Variants in DPP8 observed in about 807,000 individuals in gnomAD.
DPP8 encodes dipeptidyl peptidase 8.
DPP8 carries 31 observed loss-of-function variants against 107.5 expected under a neutral mutation model. The ratio of observed to expected loss-of-function variants is 0.29; its 90% CI spans 0.22 to 0.39. The LOEUF is 0.39. DPP8 is among the 10% of genes least tolerant of loss of function. The pLI, the probability that DPP8 is intolerant of heterozygous loss-of-function variation, is 1.00. For missense variants in DPP8, 842 were observed against 1,076.1 expected, an observed-to-expected ratio of 0.78 and a Z score of 3.04; for synonymous variants, 381 against 356.6, an observed-to-expected ratio of 1.07 and a Z score of -0.77.
At chr15:65,466,889 G>A in intron 13 of DPP8, 76 bp from the exon 14 acceptor site, 1 of 1,450,866 alleles carries the variant, frequency 6.9e-7, no homozygotes, top group African/African-American at 1.4e-5. Flanking sequence ...CTGCACTAAT[G>A]ATATAGCAAG....
intron 7 of DPP8, among the ~76,000 whole-genome samples, chr15:65,486,167 G>A (rs1277608699): frequency 6.6e-6 from 1 of 150,744 alleles, no homozygotes; most frequent in African/African-American, 2.4e-5. Context: ...ACTTTGGGAG[G>A]CTGAGGCAGG....
At chr15:65,452,130 TGTG>T (rs1567134113) in intron 17 of DPP8, 28 bp from the exon 18 acceptor site, 1 of 1,589,614 alleles carries the variant, frequency 6.3e-7, no homozygotes, top group Non-Finnish European at 8.5e-7. Flanking sequence ...GACAGTCAAG[TGTG>T]GTCTGGAAAA....
intron 8 of DPP8, among the ~76,000 whole-genome samples, chr15:65,484,257 C>T (rs1427332193): frequency 1.3e-5 from 2 of 150,400 alleles, no homozygotes; most frequent in African/African-American, 4.9e-5. Flanking sequence ...ACCCAGAAGG[C>T]AGAGGCTGAA....
At chr15:65,481,848 T>C (rs1349555482) in intron 8 of DPP8, among the ~76,000 whole-genome samples, 1 of 152,136 alleles carries the variant, frequency 6.6e-6, no homozygotes, top group Non-Finnish European at 1.5e-5. Context: ...TAAAAATCTA[T>C]TTCTTTGAGT....
intron 11 of DPP8, among the ~76,000 whole-genome samples, chr15:65,476,098 G>A (rs1224504706): frequency 6.6e-6 from 1 of 152,112 alleles, no homozygotes; most frequent in African/African-American, 2.4e-5. Flanking sequence ...TCTCTCAGCG[G>A]CCTAAGGAAC....
intron 12 of DPP8, among the ~76,000 whole-genome samples, chr15:65,470,217 AAAAG>A (rs1567181045): frequency 2.0e-5 from 3 of 150,208 alleles, no homozygotes; most frequent in East Asian, 1.9e-4. Flanking sequence ...AAAAAAAAAA[AAAAG>A]AAAGAAAAAA....
At chr15:65,483,265 C>T (rs993726680) in intron 8 of DPP8, among the ~76,000 whole-genome samples, 15 of 152,024 alleles carry the variant, frequency 9.9e-5, no homozygotes, top group African/African-American at 3.4e-4. Context: ...TGGCTCACAC[C>T]TGTAATCCCA....
chr15:65,501,536 T>A (rs973798660), intron 3 of DPP8, among the ~76,000 whole-genome samples: 1 of 152,344 alleles, frequency 6.6e-6, no homozygotes, highest in African/African-American at 2.4e-5. Context: ...AAAATAGTAA[T>A]AAATCATCTA....
chr15:65,489,474 C>T (rs1201845214), intron 6 of DPP8, among the ~76,000 whole-genome samples: 2 of 129,500 alleles, frequency 1.5e-5, no homozygotes, highest in African/African-American at 3.0e-5. Context: ...AGTGCAGTGG[C>T]GTGATCTTGG....
chr15:65,448,634 C>T (rs1210423074), intron 19 of DPP8, among the ~76,000 whole-genome samples: 100 of 129,712 alleles, frequency 7.7e-4, no homozygotes, highest in African/African-American at 2.6e-3. Flanking sequence ...ATCGTGCCAC[C>T]GCACTCCAGC....
At chr15:65,489,448 G>A (rs1018091731) in intron 6 of DPP8, among the ~76,000 whole-genome samples, 1 of 117,572 alleles carries the variant, frequency 8.5e-6, no homozygotes. Flanking sequence ...GAGTCTCGCT[G>A]TGTCGCCCAG....
At chr15:65,448,317 T>C (rs1374929998) in intron 19 of DPP8, among the ~76,000 whole-genome samples, 1 of 152,022 alleles carries the variant, frequency 6.6e-6, no homozygotes, top group East Asian at 1.9e-4. Flanking sequence ...GAGGATCGCT[T>C]GAGTTCAGGA....
intron 14 of DPP8, among the ~76,000 whole-genome samples, chr15:65,465,567 T>C (rs1293838007): frequency 1.4e-5 from 2 of 145,224 alleles, no homozygotes; most frequent in Admixed American, 1.3e-4. Flanking sequence ...AACCAGTCCA[T>C]TCTTTTTTTT....
At chr15:65,489,458 G>C (rs2067787586) in intron 6 of DPP8, among the ~76,000 whole-genome samples, 3 of 131,272 alleles carry the variant, frequency 2.3e-5, no homozygotes, top group Non-Finnish European at 3.1e-5. Context: ...GTGTCGCCCA[G>C]GCTGGAGTGC....
At chr15:65,476,329 AT>A (rs1423885423) in intron 11 of DPP8, among the ~76,000 whole-genome samples, 2 of 152,102 alleles carry the variant, frequency 1.3e-5, no homozygotes, top group African/African-American at 2.4e-5. Context: ...ATAAAATTTA[AT>A]TTTTTTAAAA....
chr15:65,463,707 TC>T lies in DPP8; in HGVS notation c.1971+53del. On this transcript the variant is annotated intron_variant, in intron 15 of 19. Transcript: ENST00000300141. ...GACTAGACATTTAAAAAACAAAAGATCTAAAATACATATGCATATGGGTGTA... is the reference window on the plus strand; with the variant it reads ...GACTAGACATTTAAAAAACAAAAGATTAAAATACATATGCATATGGGTGTA... 3 of 1,470,340 alleles carry T rather than the reference TC, an allele frequency of 2.0e-6. No individual in the cohort carries two copies. In the South Asian group the frequency reaches 3.6e-5, roughly 18 times the overall value. 91.1% of individuals were successfully genotyped at this position (1,470,340 alleles called of 1,614,324 possible). A position where few individuals can be genotyped will look rare whatever the true frequency, so the allele number is the denominator to read the frequency against.
chr15:65,480,852 G>A (rs1055271487), intron 9 of DPP8, among the ~76,000 whole-genome samples: 10 of 152,094 alleles, frequency 6.6e-5, no homozygotes, highest in African/African-American at 2.2e-4. Context: ...ATCTCAGCAC[G>A]TTGGGAGGCC....
chr15:65,490,350 G>A (rs755593255), intron 5 of DPP8, 51 bp from the exon 6 acceptor site: 3 of 1,120,754 alleles, frequency 2.7e-6, no homozygotes, highest in African/African-American at 1.5e-5. Context: ...CTTTTCATAG[G>A]TACAAAGCAA....
chr15:65,448,863 AAAAT>A (rs1250539557), intron 19 of DPP8, among the ~76,000 whole-genome samples: 8 of 84,014 alleles, frequency 9.5e-5, no homozygotes, highest in African/African-American at 2.6e-4. Flanking sequence ...ATATATATCT[AAAAT>A]ATATATATAT....
Sources: allele counts gnomAD v4.1 joint callset (sites outside exome capture counted in the v4.1 genomes callset), GRCh38; gene constraint gnomAD v4.1.1; transcripts MANE v1.5; gene names NCBI Gene and HGNC (gene_info 2026-07-23, HGNC 2026-07-21).